PDGFRA: variants seen among roughly 807,000 people sequenced by gnomAD.
PDGFRA encodes platelet derived growth factor receptor alpha, also known as platelet-derived growth factor receptor alpha.
In PDGFRA, 25 loss-of-function variants were observed where a neutral mutation model predicts 121.5. That is an observed-to-expected ratio of 0.21 (90% CI 0.15 to 0.29). The LOEUF (loss-of-function observed/expected upper bound fraction) is 0.29. Among genes scored for constraint, PDGFRA ranks in the 10% least tolerant of loss-of-function variants. The probability of loss-of-function intolerance (pLI) is 1.00; values close to 1 mark genes in which losing one functional copy is unlikely to be tolerated. For missense variants in PDGFRA, 1,008 were observed against 1,345.1 expected, an observed-to-expected ratio of 0.75 and a Z score of 3.92; for synonymous variants, 463 against 494.8, an observed-to-expected ratio of 0.94 and a Z score of 0.85.
Position 54,270,719 on chromosome 4 carries a change from A to C in PDGFRA, c.1208A>C (p.Lys403Thr). 1 of 1,601,978 alleles carries C rather than the reference A, an allele frequency of 6.2e-7. No homozygotes were observed. Among genetic ancestry groups the C allele is most frequent in the South Asian group, 1.1e-5 (1 of 90,834 alleles). ...TIVAQNEDAV[K>T]SYTFELLTQV... ...GTAGCTCAAAATGAAGATGCTGTGA[A>C]GAGCTATACTTTTGAACTGTTAACT... The change falls in exon 8 of 23, where the codon AAG (lysine) becomes ACG (threonine). Residue 403 changes from lysine (K) to threonine (T), a missense_variant. Lys to Thr is a moderately conservative substitution (Grantham distance 78). This residue lies in a region of PDGFRA where 575 missense variants were observed against 701.8 expected (regional missense o/e 0.82). Transcript: ENST00000257290.
intron 22 of PDGFRA, among the ~76,000 whole-genome samples, chr4:54,293,933 G>GTGTGTGTA (rs1398507427): frequency 6.6e-6 from 1 of 151,806 alleles, no homozygotes; most frequent in African/African-American, 2.4e-5. Flanking sequence ...GTGTGTGTGT[G>GTGTGTGTA]TGTGTGTGTT....
Position 54,284,879 on chromosome 4 carries a change from C to CTTTTTTTTTTTT in PDGFRA, c.2324-481_2324-470dup, listed in dbSNP as rs5858264. 7.7e-4 allele frequency among the ~76,000 whole-genome samples: 78 copies of CTTTTTTTTTTTT among 101,248 alleles called. 10 individuals carry two copies. Among genetic ancestry groups the CTTTTTTTTTTTT allele is most frequent in the African/African-American group, 1.1e-3 (29 of 25,730 alleles). 66.4% of individuals were successfully genotyped at this position (101,248 alleles called of 152,430 possible). A position where few individuals can be genotyped will look rare whatever the true frequency, so the allele number is the denominator to read the frequency against. On this transcript the variant is annotated intron_variant, in intron 16 of 22. Coordinates refer to ENST00000257290, the MANE Select transcript of PDGFRA (RefSeq NM_006206.6). Reference sequence around the variant, plus strand: ...CTTTCCTTTCTTTCATTCTTTCTATCTTTTTTTTTTTTTTTTTTTTTTGAG... The same window carrying CTTTTTTTTTTTT: ...CTTTCCTTTCTTTCATTCTTTCTATCTTTTTTTTTTTTTTTTTTTTTTTTTTTTTTTTTTGAG...
chr4:54,263,816 G>C lies in PDGFRA; in HGVS notation c.517G>C (p.Asp173His), dbSNP rs763718380. The C allele has an allele frequency of 4.3e-6, 7 of 1,613,962 alleles. No homozygotes were observed. The Admixed American group carries it at 1.0e-4, about 23-fold the overall frequency. Residue 173 changes from aspartate to histidine, a missense_variant, in exon 4 of 23, where the codon GAC becomes CAC. Asp to His is a moderately conservative substitution (Grantham distance 81, BLOSUM62 -1). Coordinates refer to ENST00000257290, the MANE Select transcript of PDGFRA (RefSeq NM_006206.6). ...NSEGVVPASY[D>H]SRQGFNGTFT... is the part of the protein sequence containing the mutation. ...TGAGGGGGTGGTACCTGCCTCCTAC[G>C]ACAGCAGACAGGGCTTTAATGGGAC...
rs756581500 is a variant in PDGFRA at position 54,290,319 on chromosome 4, G to A, written c.2887G>A (p.Glu963Lys). ...GTTCAATGAATGTTTATAGAGTTAT[G>A]AAAAAATTCACCTGGACTTCCTGAA... is the stretch of plus-strand genomic sequence containing the variant. Reference protein sequence around the residue: ...LLPGQYKKSYEKIHLDFLKSD... With the variant: ...LLPGQYKKSYKKIHLDFLKSD... The change falls in exon 22 of 23, where the codon GAA becomes AAA. Residue 963 changes from glutamate (E) to lysine (K), a missense_variant. Glu to Lys is a moderately conservative substitution (Grantham distance 56). Transcript: ENST00000257290. 3.1e-6 allele frequency: 5 copies of A among 1,610,964 alleles called. No individual in the cohort carries two copies. The African/African-American group carries it at 5.3e-5, about 17-fold the overall frequency.
intron 15 of PDGFRA, among the ~76,000 whole-genome samples, chr4:54,280,041 CAT>C (rs1042575848): frequency 8.5e-5 from 13 of 152,228 alleles, no homozygotes; most frequent in East Asian, 1.9e-4. Flanking sequence ...CTGCTATAAA[CAT>C]GTGTGTGCAA....
intron 1 of PDGFRA, among the ~76,000 whole-genome samples, chr4:54,233,032 C>A (rs552558967): frequency 1.2e-4 from 19 of 152,252 alleles, no homozygotes; most frequent in Middle Eastern, 6.8e-3. Context: ...CCTTTCCCCC[C>A]ACCCGCCCGG....
chr4:54,266,583 G>C (rs1042783769), intron 5 of PDGFRA, among the ~76,000 whole-genome samples: 1 of 151,974 alleles, frequency 6.6e-6, no homozygotes, highest in Non-Finnish European at 1.5e-5. Context: ...CTTATCCATA[G>C]ATAAACATTG....
rs368766187 is a variant in PDGFRA, at chr4:54,245,826, G to A, written c.-12-12931G>A. On this transcript the variant is annotated intron_variant, in intron 1 of 22. Coordinates refer to ENST00000257290, the MANE Select transcript of PDGFRA (RefSeq NM_006206.6). ...GCTGTATTCAGGAAACCCATCTCAC[G>A]TGCAGAGACACACATAGGCTCAAAA... Among the ~76,000 whole-genome samples, 1,054 of 152,062 alleles carry A rather than the reference G, an allele frequency of 6.9e-3. 6 individuals carry two copies. The highest frequency in any genetic ancestry group is 0.024 in the African/African-American group (992 of 41,470).
At chr4:54,253,144 A>G (rs1212037711) in intron 1 of PDGFRA, among the ~76,000 whole-genome samples, 1 of 152,208 alleles carries the variant, frequency 6.6e-6, no homozygotes, top group East Asian at 1.9e-4. Context: ...TCCAAGAGGT[A>G]GGAAGTGCAG....
At chr4:54,287,306 C>T (rs770690784) in intron 18 of PDGFRA, 124 bp from the exon 19 acceptor site, 1 of 756,826 alleles carries the variant, frequency 1.3e-6, no homozygotes, top group Non-Finnish European at 2.4e-6. Context: ...GTAAAAGACA[C>T]TCAAATGGGA....
At chr4:54,229,515 GA>G (rs565335773) in intron 1 of PDGFRA, 100 bp downstream of exon 1, 11,412 of 305,086 alleles carry the variant, frequency 0.037, no homozygotes, top group East Asian at 0.057. Flanking sequence ...TGGGCGACAA[GA>G]AAAAAAAAAA....
intron 22 of PDGFRA, among the ~76,000 whole-genome samples, chr4:54,292,198 A>C (rs535041893): frequency 6.6e-6 from 1 of 152,310 alleles, no homozygotes; most frequent in South Asian, 2.1e-4. Context: ...AAATCATTCT[A>C]TTATAAAGGC....
rs910609279 is a variant in PDGFRA at position 54,278,164 on chromosome 4, C to T, written c.2002+158C>T. ...CTGGTCCCTTGAATTGATGGAAGCTCATTGGTTTTTGAGCAAAATCTGTTG... is the reference window on the plus strand; with the variant it reads ...CTGGTCCCTTGAATTGATGGAAGCTTATTGGTTTTTGAGCAAAATCTGTTG... On this transcript the variant is annotated intron_variant, in intron 14 of 22. Coordinates refer to ENST00000257290, the MANE Select transcript of PDGFRA (RefSeq NM_006206.6). The T allele has an allele frequency of 5.9e-5, 40 of 683,086 alleles. 1 individual carries two copies. The highest frequency in any genetic ancestry group is 8.2e-4 in the Middle Eastern group (2 of 2,452). The allele number at this position is 683,086 out of a possible 1,614,324, so 42.3% of individuals were successfully genotyped here.
Position 54,278,333 on chromosome 4 carries a change from C to T in PDGFRA, c.2003-29C>T, listed in dbSNP as rs186273152. ...GCTTTTCTGTTCTTCATTTTCATAC[C>T]CATCTCCTAACGGCTTTTGTCCCCA... On this transcript the variant is annotated intron_variant, in intron 14 of 22. Coordinates refer to ENST00000257290, the MANE Select transcript of PDGFRA (RefSeq NM_006206.6). The T allele has an allele frequency of 2.3e-4, 366 of 1,593,048 alleles. No individual in the cohort carries two copies. In the African/African-American group the frequency reaches 4.3e-3, roughly 19 times the overall value.
At chr4:54,291,062 G>C (rs1215232611) in intron 22 of PDGFRA, among the ~76,000 whole-genome samples, 2 of 152,136 alleles carry the variant, frequency 1.3e-5, no homozygotes, top group Non-Finnish European at 2.9e-5. Context: ...CTGCTCCCTG[G>C]CTGATTTGTT....
chr4:54,249,533 A>C (rs1721919471), intron 1 of PDGFRA, among the ~76,000 whole-genome samples: 1 of 152,148 alleles, frequency 6.6e-6, no homozygotes, highest in African/African-American at 2.4e-5. Flanking sequence ...CTATCGCAAG[A>C]AGAAAAAACC....
At position 54,280,502 on chromosome 4, in the gene PDGFRA, C is replaced by G. The variant is rs2110325426; in HGVS notation, c.2323+20C>G. On this transcript the variant is annotated intron_variant, in intron 16 of 22. Transcript: ENST00000257290. ...TGTTAGGTAAAAGTGTCTATACTCA[C>G]TCTGGGTGTTGGGACTTTCCAGTGG... The G allele has an allele frequency of 1.9e-6, 3 of 1,596,948 alleles. No individual in the cohort carries two copies. The highest frequency in any genetic ancestry group is 2.6e-6 in the Non-Finnish European group (3 of 1,165,398).
At chr4:54,282,042 T>C in intron 16 of PDGFRA, 4 of 817,880 alleles carry the variant, frequency 4.9e-6, no homozygotes, top group Non-Finnish European at 1.5e-6. Flanking sequence ...AGTGTGTGTT[T>C]ATGTGTATGT....
intron 1 of PDGFRA, chr4:54,240,124 A>G (rs568629372): frequency 1.3e-4 from 47 of 368,188 alleles, no homozygotes; most frequent in Non-Finnish European, 1.0e-4. Flanking sequence ...AGGTACTGGG[A>G]TTATAGGTGT....
Sources: allele counts gnomAD v4.1 joint callset (sites outside exome capture counted in the v4.1 genomes callset), GRCh38; gene constraint gnomAD v4.1.1; regional missense constraint gnomAD v4.1.1; transcripts MANE v1.5; gene names NCBI Gene and HGNC (gene_info 2026-07-23, HGNC 2026-07-21).